Variants in LZTR1 observed in about 807,000 individuals in gnomAD.
LZTR1 encodes the protein leucine zipper like post translational regulator 1.
LZTR1 carries 260 observed loss-of-function variants against 105.7 expected under a neutral mutation model. That is an observed-to-expected ratio of 2.46 (90% CI 2.22 to 2.72). The LOEUF (loss-of-function observed/expected upper bound fraction) is 2.72, where lower values mean the gene tolerates loss of function less well. Among genes scored for constraint, LZTR1 ranks in the 30% most tolerant of loss-of-function variants. LZTR1 has a pLI of 0.00. For missense variants in LZTR1, 1,214 were observed against 1,166.9 expected, an observed-to-expected ratio of 1.04 and a Z score of -0.59; for synonymous variants, 490 against 476.4, an observed-to-expected ratio of 1.03 and a Z score of -0.37.
chr22:20,996,655 C>T (rs1166598109), intron 18 of LZTR1, 41 bp from the exon 19 acceptor site: 16 of 1,563,028 alleles, frequency 1.0e-5, no homozygotes, highest in Admixed American at 1.7e-5. Context: ...AGGGTGCGGG[C>T]GGACCAGCTT....
Position 20,990,520 on chromosome 22 carries a change from C to A in LZTR1, c.786C>A (p.Asp262Glu). 1 of 1,610,460 alleles carries A rather than the reference C, an allele frequency of 6.2e-7. No homozygotes were observed. Among genetic ancestry groups the A allele is most frequent in the Non-Finnish European group, 8.5e-7 (1 of 1,178,022 alleles). The change falls in exon 8 of 21, where the codon GAC becomes GAA. Residue 262 changes from aspartate to glutamate, a missense_variant. Transcript: ENST00000646124. Reference protein sequence around the residue: ...TNNLFQFEFKDKTWTRIPTEH... With the variant: ...TNNLFQFEFKEKTWTRIPTEH... ...ACCTCTTCCAGTTTGAATTCAAGGA[C>A]AAGACGTGAGTACTCTGGCCAGTGG... is the stretch of plus-strand genomic sequence containing the variant.
At chr22:20,988,738 C>T (rs757554198) in intron 5 of LZTR1, 51 bp from the exon 6 acceptor site, 25 of 1,409,686 alleles carry the variant, frequency 1.8e-5, no homozygotes, top group Non-Finnish European at 2.4e-5. Context: ...CTGGGTGGCT[C>T]AGGTCTGTGC....
Position 20,996,890 on chromosome 22 carries a change from T to C in LZTR1, c.2330T>C (p.Leu777Pro), listed in dbSNP as rs1274127264. The C allele has an allele frequency of 3.1e-6, 5 of 1,612,152 alleles. No individual in the cohort carries two copies. The highest frequency in any genetic ancestry group is 1.7e-5 in the Admixed American group (1 of 59,958). The change falls in exon 20 of 21, where the codon CTG becomes CCG. Residue 777 changes from leucine to proline, a missense_variant. By Grantham distance (98) the Leu-to-Pro change is moderately conservative. Coordinates refer to ENST00000646124, the MANE Select transcript of LZTR1 (RefSeq NM_006767.4). ...TCAAGGTCCCTGCCATTGCAGATCC[T>C]GGAGGCAGCTGACAAAACGCAGGCA... Reference protein sequence around the residue: ...NVTVQNVLQILEAADKTQALD... With the variant: ...NVTVQNVLQIPEAADKTQALD...
At chr22:20,994,772 CAGGCTT>C in intron 15 of LZTR1, 45 bp downstream of exon 15, 1 of 1,608,604 alleles carries the variant, frequency 6.2e-7, no homozygotes, top group Non-Finnish European at 8.5e-7. Flanking sequence ...GGGGTGTGCT[CAGGCTT>C]AGGCCCCCTC....
Position 20,992,808 on chromosome 22 carries a change from G to A in LZTR1, c.1164G>A (p.Arg388=), listed in dbSNP as rs200801199. The change falls in exon 11 of 21, where the codon AGG becomes AGA. Residue 388 remains arginine (R), a synonymous_variant. Coordinates refer to ENST00000646124, the MANE Select transcript of LZTR1 (RefSeq NM_006767.4). The part of the protein sequence containing the change: ...TQPASELPSG[R]LFHAAAVISD... ...TTGTCCCCCAGCTGCCCAGTGGGAGGCTCTTCCACGCGGCTGCTGTCATCT... is the reference window on the plus strand; with the variant it reads ...TTGTCCCCCAGCTGCCCAGTGGGAGACTCTTCCACGCGGCTGCTGTCATCT... 5.6e-5 allele frequency: 89 copies of A among 1,598,474 alleles called. No individual in the cohort carries two copies. In the African/African-American group the frequency reaches 9.9e-4, roughly 18 times the overall value.
At chr22:20,985,980 C>A in intron 3 of LZTR1, 83 bp downstream of exon 3, 1 of 1,404,344 alleles carries the variant, frequency 7.1e-7, no homozygotes. Flanking sequence ...CTAGCAGAGT[C>A]TCTCTCATCA....
In LZTR1 at chr22:20,994,975, C is replaced by T. The variant is rs2147968444; in HGVS notation, c.1891C>T (p.Arg631Trp). Reference sequence around the variant, plus strand: ...TCCACTGATAGTGGAGATTGTGCGGCGGAAGCAGCAGCCGCCCCCTCGCAC... The same window carrying T: ...TCCACTGATAGTGGAGATTGTGCGGTGGAAGCAGCAGCCGCCCCCTCGCAC... ...SSPLIVEIVR[R>W]KQQPPPRTPL... The change falls in exon 16 of 21, where the codon CGG (arginine) becomes TGG (tryptophan). Residue 631 changes from arginine (R) to tryptophan (W), a missense_variant. Transcript: ENST00000646124. 2.5e-6 allele frequency: 4 copies of T among 1,613,132 alleles called. No individual in the cohort carries two copies. The highest frequency in any genetic ancestry group is 3.4e-6 in the Non-Finnish European group (4 of 1,179,978).
At chr22:20,995,665 A>G (rs899209699) in intron 16 of LZTR1, 81 bp from the exon 17 acceptor site, 19 of 1,540,408 alleles carry the variant, frequency 1.2e-5, no homozygotes, top group Non-Finnish European at 1.4e-5. Flanking sequence ...CAACATGGGC[A>G]GATATGCAGG....
intron 8 of LZTR1, chr22:20,990,780 C>G (rs1414130098): frequency 2.2e-6 from 1 of 455,790 alleles, no homozygotes; most frequent in Admixed American, 4.0e-5. Flanking sequence ...AAGGACGTCC[C>G]CTTCCTCGTG....
chr22:20,985,968 T>G (rs1924367412), intron 3 of LZTR1, 71 bp downstream of exon 3: 2 of 1,480,406 alleles, frequency 1.4e-6, no homozygotes, highest in African/African-American at 2.8e-5. Flanking sequence ...GGGTCCCAGT[T>G]GCTAGCAGAG....
chr22:20,996,806 C>T lies in LZTR1; in HGVS notation c.2325+5C>T. On this transcript the variant is annotated splice_donor_5th_base_variant and intron_variant, in intron 19 of 20. Coordinates refer to ENST00000646124, the MANE Select transcript of LZTR1 (RefSeq NM_006767.4). ...ACGGTGCAGAACGTGCTGCAGGTAGCCCCCCAGCCCCGTGCACATGGCTGC... is the reference window on the plus strand; with the variant it reads ...ACGGTGCAGAACGTGCTGCAGGTAGTCCCCCAGCCCCGTGCACATGGCTGC... The T allele has an allele frequency of 1.2e-6, 2 of 1,613,060 alleles. No homozygotes were observed. The highest frequency in any genetic ancestry group is 1.7e-6 in the Non-Finnish European group (2 of 1,179,534).
intron 18 of LZTR1, 98 bp from the exon 19 acceptor site, chr22:20,996,598 G>A (rs777000484): frequency 1.3e-5 from 12 of 913,248 alleles, no homozygotes; most frequent in South Asian, 4.3e-5. Context: ...GCATGCTGGC[G>A]TGGGGGCTTG....
At position 20,983,069 on chromosome 22, in the gene LZTR1, T is replaced by G. The variant is rs748923374; in HGVS notation, c.243T>G (p.Tyr81Ter). ...TGGTGGCCTATAAAGATGCCATTTA[T>G]GTATTTGGTGGAGACAATGGGTGAG... ...HTVVAYKDAI[Y>*]VFGGDNGKTM... The change falls in exon 2 of 21, where the codon TAT becomes TAG. Residue 81 changes from tyrosine (Y) to a stop codon, truncating the protein, a stop_gained. Transcript: ENST00000646124. LOFTEE classifies it high-confidence loss of function. 1 of 1,614,090 alleles carries G rather than the reference T, an allele frequency of 6.2e-7. No homozygotes were observed. Among genetic ancestry groups the G allele is most frequent in the South Asian group, 1.1e-5 (1 of 91,086 alleles).
Position 20,994,993 on chromosome 22 carries a change from C to T in LZTR1, c.1909C>T (p.Pro637Ser). The T allele has an allele frequency of 6.2e-7, 1 of 1,612,786 alleles. No individual in the cohort carries two copies. Residue 637 changes from proline (P) to serine (S), a missense_variant, in exon 16 of 21, where the codon CCT (proline) becomes TCT (serine). By Grantham distance (74) the Pro-to-Ser change is moderately conservative. Transcript: ENST00000646124. ...EIVRRKQQPP[P>S]RTPLDQPVDI... Reference sequence around the variant, plus strand: ...TGTGCGGCGGAAGCAGCAGCCGCCCCCTCGCACTCCCTTGGACCAGCCAGT... The same window carrying T: ...TGTGCGGCGGAAGCAGCAGCCGCCCTCTCGCACTCCCTTGGACCAGCCAGT...
intron 2 of LZTR1, among the ~76,000 whole-genome samples, chr22:20,985,579 C>G (rs1424030588): frequency 6.6e-6 from 1 of 152,198 alleles, no homozygotes; most frequent in African/African-American, 2.4e-5. Context: ...GGTTGGGCTC[C>G]TGGTGGCCAC....
chr22:20,996,805 GC>G lies in LZTR1; in HGVS notation c.2325+10del, dbSNP rs1480873004. On this transcript the variant is annotated splice_donor_5th_base_variant and intron_variant, in intron 19 of 20. Coordinates refer to ENST00000646124, the MANE Select transcript of LZTR1 (RefSeq NM_006767.4). ...GACGGTGCAGAACGTGCTGCAGGTA[GC>G]CCCCCAGCCCCGTGCACATGGCTGC... 3.7e-6 allele frequency: 6 copies of G among 1,613,394 alleles called. No homozygotes were observed. The highest frequency in any genetic ancestry group is 5.1e-6 in the Non-Finnish European group (6 of 1,179,818).
rs75414186 is a variant in LZTR1, at chr22:20,996,481, C to T, written c.2220-215C>T. On this transcript the variant is annotated intron_variant, in intron 18 of 20. Transcript: ENST00000646124. Reference sequence around the variant, plus strand: ...TTAGGCCTGCAAGGCCATGGAACAGCGCTACAGATGTACAGACACTATTTT... The same window carrying T: ...TTAGGCCTGCAAGGCCATGGAACAGTGCTACAGATGTACAGACACTATTTT... The T allele has an allele frequency of 0.01, 6,175 of 600,934 alleles. 286 individuals are homozygous for T. The highest frequency in any genetic ancestry group is 0.097 in the African/African-American group (5,231 of 53,924). The allele number at this position is 600,934 out of a possible 1,614,324, so 37.2% of individuals were successfully genotyped here. A position where few individuals can be genotyped will look rare whatever the true frequency, so the allele number is the denominator to read the frequency against.
intron 4 of LZTR1, 27 bp downstream of exon 4, chr22:20,987,610 C>T: frequency 6.2e-7 from 1 of 1,603,914 alleles, no homozygotes; most frequent in Non-Finnish European, 8.5e-7. Context: ...CTCCCAGGGG[C>T]TGTGTCGCCC....
At chr22:20,986,067 G>T (rs1924369553) in intron 3 of LZTR1, 170 bp downstream of exon 3, 2 of 676,278 alleles carry the variant, frequency 3.0e-6, no homozygotes, top group Non-Finnish European at 5.0e-6. Context: ...GCCCTGTCAG[G>T]CTGAGGAGAT....
Sources: allele counts gnomAD v4.1 joint callset (sites outside exome capture counted in the v4.1 genomes callset), GRCh38; gene constraint gnomAD v4.1.1; transcripts MANE v1.5; gene names NCBI Gene and HGNC (gene_info 2026-07-23, HGNC 2026-07-21).